The following SUCLG2 variants were observed in gnomAD, a reference collection of about 807,000 sequenced individuals.
The protein encoded by SUCLG2 is succinate--CoA ligase [GDP-forming] subunit beta, mitochondrial.
Under a neutral mutation model 47.9 loss-of-function variants are expected in SUCLG2, and 42 were observed. The ratio of observed to expected loss-of-function variants is 0.88; its 90% CI spans 0.69 to 1.14. SUCLG2 has a LOEUF of 1.14. SUCLG2 is among the 50% of genes most tolerant of loss of function. The pLI is 0.00. For synonymous variants in SUCLG2, 195 were observed against 197.3 expected (o/e 0.99, Z 0.10); for missense variants, 571 against 525.9 (o/e 1.09, Z -0.84).
intron 2 of SUCLG2, among the ~76,000 whole-genome samples, chr3:67,589,766 T>C (rs1464697895): frequency 6.6e-6 from 1 of 152,092 alleles, no homozygotes; most frequent in Non-Finnish European, 1.5e-5. Context: ...ATGAGGCACC[T>C]CACAACGCAC....
intron 10 of SUCLG2, among the ~76,000 whole-genome samples, chr3:67,391,212 G>T (rs575654140): frequency 1.4e-4 from 22 of 152,208 alleles, no homozygotes; most frequent in African/African-American, 5.1e-4. Context: ...AAGTTGTTGT[G>T]AACATAAACA....
At chr3:67,459,264 TTG>T (rs1704267544) in intron 9 of SUCLG2, among the ~76,000 whole-genome samples, 1 of 152,212 alleles carries the variant, frequency 6.6e-6, no homozygotes, top group Non-Finnish European at 1.5e-5. Context: ...TTAGTTCTCT[TTG>T]TATTCTGAAA....
chr3:67,369,052 A>G (rs1286905489), intron 10 of SUCLG2, among the ~76,000 whole-genome samples: 3 of 152,108 alleles, frequency 2.0e-5, no homozygotes, highest in African/African-American at 7.2e-5. Flanking sequence ...TGTGCATTGC[A>G]ATATATTTAG....
intron 1 of SUCLG2, among the ~76,000 whole-genome samples, chr3:67,625,334 C>G (rs904238421): frequency 6.6e-6 from 1 of 152,136 alleles, no homozygotes; most frequent in African/African-American, 2.4e-5. Context: ...ACCACCATGA[C>G]CTTACAAGTT....
At position 67,654,538 on chromosome 3, in the gene SUCLG2, C is replaced by T. The variant is rs545712994; in HGVS notation, c.49G>A (p.Ala17Thr). ...GCCGCCAGGAAGCGGGGCCGCAGCG[C>T]TAGGGCTCGCAGAAGCTTCCCGGCC... ...AQAGKLLRALALRPRFLAAGS... is the reference protein window; with the variant it reads ...AQAGKLLRALTLRPRFLAAGS... Residue 17 changes from alanine (A) to threonine (T), a missense_variant, in exon 1 of 11, where the codon GCG becomes ACG. Coordinates refer to ENST00000307227, the MANE Select transcript of SUCLG2 (RefSeq NM_003848.4). 5.1e-5 allele frequency: 65 copies of T among 1,262,806 alleles called. No individual in the cohort carries two copies. Among genetic ancestry groups the T allele is most frequent in the Admixed American group, 2.6e-4 (7 of 27,372 alleles). The allele number at this position is 1,262,806 out of a possible 1,614,324, so 78.2% of individuals were successfully genotyped here. A position where few individuals can be genotyped will look rare whatever the true frequency, so the allele number is the denominator to read the frequency against.
chr3:67,528,085 T>C (rs1163730675), intron 4 of SUCLG2, 47 bp downstream of exon 4: 1 of 1,535,930 alleles, frequency 6.5e-7, no homozygotes, highest in Admixed American at 1.7e-5. Context: ...TTTTCTTTTC[T>C]ATTTTTTAAC....
At chr3:67,636,098 A>G (rs150995627) in intron 1 of SUCLG2, among the ~76,000 whole-genome samples, 81 of 152,294 alleles carry the variant, frequency 5.3e-4, no homozygotes, top group African/African-American at 1.9e-3. Context: ...AACAGGGACA[A>G]TACTTTGAAA....
chr3:67,514,289 G>A (rs982894035), intron 6 of SUCLG2: 13 of 423,000 alleles, frequency 3.1e-5, no homozygotes, highest in African/African-American at 2.5e-4. Context: ...ATCCAGGAAG[G>A]AAAATTGGAT....
intron 8 of SUCLG2, among the ~76,000 whole-genome samples, chr3:67,497,226 T>C (rs184342920): frequency 6.6e-6 from 1 of 152,318 alleles, no homozygotes; most frequent in African/African-American, 2.4e-5. Flanking sequence ...CAGCCACCTC[T>C]TGGATGAGGT....
chr3:67,640,524 C>T (rs956874992), intron 1 of SUCLG2, among the ~76,000 whole-genome samples: 2 of 151,958 alleles, frequency 1.3e-5, no homozygotes, highest in Non-Finnish European at 2.9e-5. Context: ...TAGATGACTT[C>T]ATCTACAGCA....
intron 2 of SUCLG2, among the ~76,000 whole-genome samples, chr3:67,540,254 C>T (rs144423381): frequency 0.078 from 11,828 of 151,848 alleles, 552 homozygotes; most frequent in East Asian, 0.17. Context: ...AATTCTGGTA[C>T]GTTGTGTCTT....
At chr3:67,595,496 C>A (rs959257074) in intron 2 of SUCLG2, among the ~76,000 whole-genome samples, 2 of 152,088 alleles carry the variant, frequency 1.3e-5, no homozygotes, top group Non-Finnish European at 2.9e-5. Flanking sequence ...TTGAATTGAC[C>A]TTTGGGAGAA....
intron 2 of SUCLG2, among the ~76,000 whole-genome samples, chr3:67,541,613 C>T (rs1449997823): frequency 1.3e-5 from 2 of 152,176 alleles, no homozygotes; most frequent in Non-Finnish European, 2.9e-5. Flanking sequence ...TCCAGGAATA[C>T]TTCCCCAACC....
intron 9 of SUCLG2, among the ~76,000 whole-genome samples, chr3:67,430,254 C>T (rs1703439819): frequency 6.6e-6 from 1 of 152,196 alleles, no homozygotes; most frequent in Non-Finnish European, 1.5e-5. Flanking sequence ...AACTGTCTCT[C>T]AGACCACAGT....
At chr3:67,422,066 C>T (rs1387344504) in intron 9 of SUCLG2, among the ~76,000 whole-genome samples, 1 of 152,140 alleles carries the variant, frequency 6.6e-6, no homozygotes, top group Non-Finnish European at 1.5e-5. Context: ...CAGAACAGAA[C>T]TGAATGGCTG....
At chr3:67,628,567 G>C (rs1229060547) in intron 1 of SUCLG2, among the ~76,000 whole-genome samples, 1 of 152,148 alleles carries the variant, frequency 6.6e-6, no homozygotes, top group African/African-American at 2.4e-5. Flanking sequence ...ATCTCACCTA[G>C]AACTGTAGCC....
At chr3:67,396,757 G>A (rs546835524) in intron 10 of SUCLG2, among the ~76,000 whole-genome samples, 5 of 152,142 alleles carry the variant, frequency 3.3e-5, no homozygotes, top group Non-Finnish European at 7.3e-5. Flanking sequence ...GATGAACATC[G>A]ATGCAAAAAT....
At chr3:67,518,213 AG>A in intron 6 of SUCLG2, 33 bp downstream of exon 6, 1 of 1,547,042 alleles carries the variant, frequency 6.5e-7, no homozygotes, top group South Asian at 1.2e-5. Context: ...TTCTGAAACA[AG>A]TCAGACACAC....
At chr3:67,432,951 T>C (rs1051792572) in intron 9 of SUCLG2, among the ~76,000 whole-genome samples, 1 of 152,216 alleles carries the variant, frequency 6.6e-6, no homozygotes, top group Admixed American at 6.5e-5. Context: ...TTGAATTAAA[T>C]TGAAGGAATA....
Sources: allele counts gnomAD v4.1 joint callset (sites outside exome capture counted in the v4.1 genomes callset), GRCh38; gene constraint gnomAD v4.1.1; transcripts MANE v1.5; gene names NCBI Gene and HGNC (gene_info 2026-07-23, HGNC 2026-07-21).